The following ARK2C variants were observed in gnomAD, a reference collection of about 807,000 sequenced individuals.
ARK2C encodes arkadia (RNF111) C-terminal like ring finger ubiquitin ligase 2C.
At chr18:46,338,876 C>G in the ARK2C span, among the ~76,000 whole-genome samples, 5 of 152,208 alleles carry the variant, frequency 3.3e-5, no homozygotes, top group Admixed American at 6.5e-5. Context: ...ACTGACTCCC[C>G]GGCTCACCCT....
At chr18:46,384,561 A>T in the ARK2C span, among the ~76,000 whole-genome samples, 1 of 152,168 alleles carries the variant, frequency 6.6e-6, no homozygotes, top group Non-Finnish European at 1.5e-5. Flanking sequence ...CACCCCTGCC[A>T]TATGGACACA....
the ARK2C span, among the ~76,000 whole-genome samples, chr18:46,355,419 C>G: frequency 6.6e-6 from 1 of 152,182 alleles, no homozygotes; most frequent in African/African-American, 2.4e-5. Context: ...CTCCTTCTGC[C>G]TCATTCTCTA....
chr18:46,346,824 G>A, the ARK2C span, among the ~76,000 whole-genome samples: 1 of 152,190 alleles, frequency 6.6e-6, no homozygotes, highest in Non-Finnish European at 1.5e-5. Flanking sequence ...AGGGGTCTTA[G>A]GGGAGTGCAA....
At chr18:46,346,623 T>C in the ARK2C span, among the ~76,000 whole-genome samples, 1 of 152,130 alleles carries the variant, frequency 6.6e-6, no homozygotes, top group African/African-American at 2.4e-5. Context: ...TCTAAAAAAA[T>C]GGAAATAATT....
chr18:46,378,840 G>T, the ARK2C span, among the ~76,000 whole-genome samples: 1 of 152,200 alleles, frequency 6.6e-6, no homozygotes, highest in Non-Finnish European at 1.5e-5. Context: ...AACGGAGGGG[G>T]TGCAGGATAG....
the ARK2C span, among the ~76,000 whole-genome samples, chr18:46,432,017 C>T: frequency 2.0e-5 from 3 of 152,222 alleles, no homozygotes; most frequent in African/African-American, 7.2e-5. Flanking sequence ...TTCCTGTTAT[C>T]TGTCCTTGTC....
the ARK2C span, among the ~76,000 whole-genome samples, chr18:46,399,916 C>T: frequency 6.6e-6 from 1 of 152,188 alleles, no homozygotes; most frequent in African/African-American, 2.4e-5. Flanking sequence ...TTTTCCAAAG[C>T]ACTTCAGTGT....
At chr18:46,383,347 G>A in the ARK2C span, among the ~76,000 whole-genome samples, 11 of 152,172 alleles carry the variant, frequency 7.2e-5, no homozygotes, top group Admixed American at 7.2e-4. Flanking sequence ...GAACCAGCAG[G>A]ATGATGCACC....
chr18:46,343,386 A>G, the ARK2C span, among the ~76,000 whole-genome samples: 1 of 152,234 alleles, frequency 6.6e-6, no homozygotes, highest in African/African-American at 2.4e-5. Flanking sequence ...CAGTTTTCCC[A>G]TCAGTCAAAT....
chr18:46,415,475 G>A, the ARK2C span, among the ~76,000 whole-genome samples: 1 of 151,850 alleles, frequency 6.6e-6, no homozygotes, highest in Non-Finnish European at 1.5e-5. Flanking sequence ...GCAGTGAGCC[G>A]AGATCGTGCC....
chr18:46,356,530 A>G, the ARK2C span, among the ~76,000 whole-genome samples: 1 of 152,146 alleles, frequency 6.6e-6, no homozygotes, highest in Non-Finnish European at 1.5e-5. Flanking sequence ...CCAGGGGTTG[A>G]TTCTTGCCTC....
the ARK2C span, chr18:46,460,073 C>T: frequency 6.5e-6 from 1 of 152,886 alleles, no homozygotes; most frequent in African/African-American, 2.4e-5. Flanking sequence ...CACCCAGTTG[C>T]CCTTGGCCAC....
At chr18:46,401,248 T>C in the ARK2C span, among the ~76,000 whole-genome samples, 1 of 152,110 alleles carries the variant, frequency 6.6e-6, no homozygotes, top group Non-Finnish European at 1.5e-5. Flanking sequence ...CCAGGAGCTG[T>C]TACACTGGCC....
chr18:46,422,995 G>C, the ARK2C span, among the ~76,000 whole-genome samples: 1 of 152,174 alleles, frequency 6.6e-6, no homozygotes, highest in African/African-American at 2.4e-5. Flanking sequence ...CCTAGTGTCA[G>C]ATTACTCAAG....
At chr18:46,443,573 G>A in the ARK2C span, among the ~76,000 whole-genome samples, 1 of 152,046 alleles carries the variant, frequency 6.6e-6, no homozygotes, top group Admixed American at 6.6e-5. Flanking sequence ...ATCAAATCTT[G>A]CCTGCTCTCT....
the ARK2C span, among the ~76,000 whole-genome samples, chr18:46,440,848 A>G: frequency 1.3e-5 from 2 of 151,790 alleles, no homozygotes; most frequent in South Asian, 4.2e-4. Flanking sequence ...CATGAGTAAT[A>G]TTGGTTTATA....
chr18:46,443,063 C>T, the ARK2C span, among the ~76,000 whole-genome samples: 1 of 152,112 alleles, frequency 6.6e-6, no homozygotes, highest in Non-Finnish European at 1.5e-5. Flanking sequence ...ATATACTTGG[C>T]AATTGTTTTG....
the ARK2C span, among the ~76,000 whole-genome samples, chr18:46,396,787 G>A: frequency 2.0e-4 from 31 of 152,286 alleles, no homozygotes; most frequent in African/African-American, 7.2e-4. Context: ...CGCCTATGTC[G>A]GGACAGCTCA....
the ARK2C span, among the ~76,000 whole-genome samples, chr18:46,358,435 T>A: frequency 6.6e-6 from 1 of 152,162 alleles, no homozygotes; most frequent in African/African-American, 2.4e-5. Context: ...CCTCTGGGAC[T>A]GGGAATCACG....
Sources: gnomAD v4.1 joint callset for allele counts (sites outside exome capture counted in the v4.1 genomes callset) on GRCh38, gnomAD v4.1.1 for gene constraint, MANE v1.5 for transcripts, NCBI Gene and HGNC (gene_info 2026-07-23, HGNC 2026-07-21) for gene names.